The following APBB2 variants were observed in gnomAD, a reference collection of about 807,000 sequenced individuals.
The protein encoded by APBB2 is Fe65-like 1.
APBB2 carries 38 observed loss-of-function variants against 82.5 expected under a neutral mutation model. That is an observed-to-expected ratio of 0.46 (90% confidence interval 0.36 to 0.60). The LOEUF is 0.60. APBB2 is among the 20% of genes least tolerant of loss of function. The probability of loss-of-function intolerance (pLI) is 0.00; values close to 1 mark genes in which losing one functional copy is unlikely to be tolerated. For missense variants in APBB2, 772 were observed against 972.3 expected (o/e 0.79, Z 2.74); for synonymous variants, 341 against 368.2 (o/e 0.93, Z 0.85).
intron 12 of APBB2, chr4:40,849,032 T>C (rs4861068): frequency 0.19 from 66,280 of 343,864 alleles, 6,941 homozygotes; most frequent in Admixed American, 0.34. Context: ...TATTCTTGAA[T>C]ATGTGAATAA....
chr4:41,029,497 T>C (rs1278969539), intron 5 of APBB2, among the ~76,000 whole-genome samples: 1 of 152,198 alleles, frequency 6.6e-6, no homozygotes, highest in Non-Finnish European at 1.5e-5. Flanking sequence ...TCTTACCCAC[T>C]TGAGGGTTTC....
At chr4:40,876,734 ATTG>A (rs1345598126) in intron 12 of APBB2, among the ~76,000 whole-genome samples, 2 of 152,158 alleles carry the variant, frequency 1.3e-5, no homozygotes, top group Non-Finnish European at 2.9e-5. Context: ...ATTATTTTTC[ATTG>A]TTGTATTTTT....
intron 1 of APBB2, among the ~76,000 whole-genome samples, chr4:41,184,318 T>C (rs1772278527): frequency 6.6e-6 from 1 of 152,104 alleles, no homozygotes; most frequent in Non-Finnish European, 1.5e-5. Flanking sequence ...CAGTTTATAG[T>C]AGTTTGTTAC....
chr4:41,017,164 T>C (rs1281430602), intron 5 of APBB2, among the ~76,000 whole-genome samples: 1 of 152,210 alleles, frequency 6.6e-6, no homozygotes, highest in East Asian at 1.9e-4. Context: ...CCCAAAGTAC[T>C]GGGATTACAG....
At chr4:40,961,247 C>A (rs80093773) in intron 6 of APBB2, among the ~76,000 whole-genome samples, 2,998 of 152,112 alleles carry the variant, frequency 0.02, 91 homozygotes, top group African/African-American at 0.067. Flanking sequence ...CAGCAAAAAA[C>A]TAAATTCCAG....
intron 6 of APBB2, among the ~76,000 whole-genome samples, chr4:41,006,620 C>T (rs1806820154): frequency 6.6e-6 from 1 of 151,998 alleles, no homozygotes; most frequent in Non-Finnish European, 1.5e-5. Context: ...CGTGTCACCA[C>T]AGCCTGCTAA....
intron 6 of APBB2, among the ~76,000 whole-genome samples, chr4:40,953,864 T>G (rs928538532): frequency 3.3e-5 from 5 of 152,214 alleles, no homozygotes; most frequent in African/African-American, 1.2e-4. Context: ...CTTCGTAATT[T>G]GTGCTTTTTG....
chr4:41,041,993 CT>C (rs936789643), intron 4 of APBB2, among the ~76,000 whole-genome samples: 1 of 151,624 alleles, frequency 6.6e-6, no homozygotes, highest in Admixed American at 6.6e-5. Flanking sequence ...CTCCAACTTT[CT>C]TTTTTTTTAT....
intron 7 of APBB2, among the ~76,000 whole-genome samples, chr4:40,943,016 A>G (rs1787452398): frequency 6.6e-6 from 1 of 152,224 alleles, no homozygotes; most frequent in Non-Finnish European, 1.5e-5. Flanking sequence ...CCACTGCCAG[A>G]TGCAGAGGAC....
chr4:40,916,699 G>T (rs901835408), intron 10 of APBB2, among the ~76,000 whole-genome samples: 17 of 152,194 alleles, frequency 1.1e-4, no homozygotes, highest in Non-Finnish European at 2.1e-4. Flanking sequence ...CCAGAAACTA[G>T]AAACTATTCT....
chr4:41,079,185 T>C (rs1736666109), intron 3 of APBB2, among the ~76,000 whole-genome samples: 1 of 152,250 alleles, frequency 6.6e-6, no homozygotes, highest in Admixed American at 6.5e-5. Context: ...CTAATCTTAT[T>C]GTATGACCTT....
chr4:40,852,112 C>A (rs898317490), intron 12 of APBB2, among the ~76,000 whole-genome samples: 3 of 151,976 alleles, frequency 2.0e-5, no homozygotes, highest in Non-Finnish European at 4.4e-5. Context: ...GTAATCCCAG[C>A]ACTAAGGCCG....
At chr4:41,163,821 G>A (rs1216786615) in intron 1 of APBB2, among the ~76,000 whole-genome samples, 2 of 152,142 alleles carry the variant, frequency 1.3e-5, no homozygotes, top group Non-Finnish European at 2.9e-5. Context: ...GAAAATGAGA[G>A]AGAAAAAGAA....
At chr4:40,909,884 A>G (rs1778076522) in intron 10 of APBB2, among the ~76,000 whole-genome samples, 1 of 152,240 alleles carries the variant, frequency 6.6e-6, no homozygotes, top group Non-Finnish European at 1.5e-5. Context: ...AACATGTAGC[A>G]CAACATGTTT....
chr4:40,822,126 G>A, intron 16 of APBB2, 76 bp from the exon 17 acceptor site: 7 of 1,542,022 alleles, frequency 4.5e-6, no homozygotes, highest in African/African-American at 1.4e-5. Flanking sequence ...ATAGGAACTG[G>A]CATTCAGAAA....
chr4:40,865,158 C>A (rs972470080), intron 12 of APBB2, among the ~76,000 whole-genome samples: 1 of 152,020 alleles, frequency 6.6e-6, no homozygotes, highest in Non-Finnish European at 1.5e-5. Flanking sequence ...ACGCCTGGTC[C>A]TTTCAATTCT....
At chr4:41,101,275 T>C (rs1208113360) in intron 2 of APBB2, among the ~76,000 whole-genome samples, 1 of 149,148 alleles carries the variant, frequency 6.7e-6, no homozygotes, top group Non-Finnish European at 1.5e-5. Context: ...CCATCCTGGC[T>C]AACAAGGTGA....
chr4:40,872,589 A>G (rs2154341404), intron 12 of APBB2, among the ~76,000 whole-genome samples: 2 of 152,288 alleles, frequency 1.3e-5, no homozygotes, highest in South Asian at 4.1e-4. Context: ...TAGGGACTTA[A>G]CACATGGGTA....
chr4:41,164,333 T>C (rs1040179672), intron 1 of APBB2, among the ~76,000 whole-genome samples: 1 of 152,216 alleles, frequency 6.6e-6, no homozygotes, highest in Admixed American at 6.5e-5. Flanking sequence ...GTACTCACCT[T>C]GTACACTGAG....
Sources: gnomAD v4.1 joint callset for allele counts (sites outside exome capture counted in the v4.1 genomes callset) on GRCh38, gnomAD v4.1.1 for gene constraint, MANE v1.5 for transcripts, NCBI Gene and HGNC (gene_info 2026-07-23, HGNC 2026-07-21) for gene names.